Variants in EYA1 observed in about 807,000 individuals in gnomAD.
EYA1 encodes protein phosphatase EYA1.
In EYA1, 16 loss-of-function variants were observed where a neutral mutation model predicts 82.0. The observed-to-expected ratio is 0.20, with a 90% CI of 0.13 to 0.30. The LOEUF (loss-of-function observed/expected upper bound fraction) is 0.30, where lower values mean the gene tolerates loss of function less well. Among genes scored for constraint, EYA1 ranks in the 10% least tolerant of loss-of-function variants. The pLI, the probability that EYA1 is intolerant of heterozygous loss-of-function variation, is 1.00. For synonymous variants in EYA1, 261 were observed against 264.4 expected, an observed-to-expected ratio of 0.99 and a Z score of 0.12; for missense variants, 633 against 730.7, an observed-to-expected ratio of 0.87 and a Z score of 1.54.
At chr8:71,397,309 G>A (rs1829684945) in intron 2 of EYA1, among the ~76,000 whole-genome samples, 1 of 152,142 alleles carries the variant, frequency 6.6e-6, no homozygotes, top group South Asian at 2.1e-4. Flanking sequence ...ATATTGTTAT[G>A]TGTGAACTTG....
intron 1 of EYA1, among the ~76,000 whole-genome samples, chr8:71,538,878 G>A (rs544556604): frequency 2.0e-5 from 3 of 152,206 alleles, no homozygotes; most frequent in African/African-American, 7.2e-5. Context: ...CCATAAGTGT[G>A]GTGGCCATTA....
intron 2 of EYA1, among the ~76,000 whole-genome samples, chr8:71,487,858 G>C (rs764495572): frequency 2.0e-5 from 3 of 152,200 alleles, no homozygotes; most frequent in Non-Finnish European, 4.4e-5. Context: ...GGAAAGCTCA[G>C]ACATTACTAG....
intron 2 of EYA1, among the ~76,000 whole-genome samples, chr8:71,452,611 C>A (rs1049334397): frequency 4.6e-5 from 7 of 152,184 alleles, no homozygotes. Flanking sequence ...TGATGTTCAG[C>A]AATATTCGCT....
At chr8:71,397,653 G>T (rs149320101) in intron 2 of EYA1, among the ~76,000 whole-genome samples, 33,503 of 152,196 alleles carry the variant, frequency 0.22, 4,208 homozygotes, top group Middle Eastern at 0.32. Flanking sequence ...TCTGCTGAGA[G>T]ATCCACTGTT....
rs28516408 is a variant in EYA1, at chr8:71,219,111, C to A, written c.1141-2088G>T. On this transcript the variant is annotated intron_variant, in intron 12 of 17. Transcript: ENST00000340726. ...GCAGTTATCCTCTAACAGCTGTGAA[C>A]GACCCCATTGTTGCTATTGTTCTTC... Among the ~76,000 whole-genome samples, 804 of 152,252 alleles carry A rather than the reference C, an allele frequency of 5.3e-3. 11 individuals are homozygous for A. The highest frequency in any genetic ancestry group is 0.019 in the African/African-American group (769 of 41,532).
At chr8:71,440,164 C>T (rs972288771) in intron 2 of EYA1, among the ~76,000 whole-genome samples, 2 of 152,050 alleles carry the variant, frequency 1.3e-5, no homozygotes, top group African/African-American at 2.4e-5. Flanking sequence ...CAACACAATT[C>T]GGACTGCTCG....
At chr8:71,290,940 T>C (rs976146581) in intron 9 of EYA1, among the ~76,000 whole-genome samples, 1 of 152,190 alleles carries the variant, frequency 6.6e-6, no homozygotes, top group African/African-American at 2.4e-5. Context: ...TGCCGACAAA[T>C]GTTTCCAAAA....
intron 1 of EYA1, among the ~76,000 whole-genome samples, chr8:71,542,592 C>T (rs1353773326): frequency 6.6e-6 from 1 of 152,154 alleles, no homozygotes; most frequent in African/African-American, 2.4e-5. Context: ...AATGGGATTC[C>T]TGGGTCAAAT....
intron 2 of EYA1, among the ~76,000 whole-genome samples, chr8:71,528,272 A>T (rs1246300678): frequency 6.6e-6 from 1 of 152,138 alleles, no homozygotes; most frequent in Non-Finnish European, 1.5e-5. Context: ...AGTGAGCTAC[A>T]CCAGAACACA....
intron 2 of EYA1, among the ~76,000 whole-genome samples, chr8:71,381,528 G>A (rs1324564868): frequency 6.6e-6 from 1 of 152,170 alleles, no homozygotes; most frequent in South Asian, 2.1e-4. Context: ...AATGGCCTAG[G>A]ACAGACCAAA....
intron 7 of EYA1, among the ~76,000 whole-genome samples, chr8:71,306,364 T>C (rs1032497101): frequency 6.6e-6 from 1 of 152,020 alleles, no homozygotes; most frequent in Non-Finnish European, 1.5e-5. Context: ...CATCCTTTAA[T>C]GGCAAAATGC....
At chr8:71,264,579 A>G (rs901672265) in intron 11 of EYA1, among the ~76,000 whole-genome samples, 1 of 142,420 alleles carries the variant, frequency 7.0e-6, no homozygotes, top group South Asian at 2.2e-4. Context: ...GAGCAATTCA[A>G]TTTTTTTTTT....
Position 71,322,312 on chromosome 8 carries a change from C to T in EYA1, c.203-44G>A, listed in dbSNP as rs191412499. On this transcript the variant is annotated intron_variant, in intron 4 of 17. Transcript: ENST00000340726. ...ACAAAATAATGCACAATAATCCAAG[C>T]AAAACACAAAATATATAGAAAGCAC... 2,410 of 1,495,648 alleles carry T rather than the reference C, an allele frequency of 1.6e-3. 7 individuals are homozygous for T. The highest frequency in any genetic ancestry group is 2.2e-3 in the Middle Eastern group (13 of 5,866). The allele number at this position is 1,495,648 out of a possible 1,614,324, so 92.6% of individuals were successfully genotyped here.
chr8:71,350,186 A>T (rs1826164030), intron 3 of EYA1, among the ~76,000 whole-genome samples: 2 of 152,226 alleles, frequency 1.3e-5, no homozygotes, highest in African/African-American at 4.8e-5. Flanking sequence ...ATTTAACCAC[A>T]AATATATAAA....
chr8:71,443,212 T>C (rs1486724905), intron 2 of EYA1, among the ~76,000 whole-genome samples: 2 of 152,178 alleles, frequency 1.3e-5, no homozygotes, highest in African/African-American at 2.4e-5. Flanking sequence ...AGTGGGATGA[T>C]TGGTCAACAG....
chr8:71,357,203 G>A (rs1448664021), intron 1 of EYA1, among the ~76,000 whole-genome samples: 1 of 152,184 alleles, frequency 6.6e-6, no homozygotes, highest in East Asian at 1.9e-4. Context: ...AGTTCTGCCT[G>A]GTAAACCAGA....
At chr8:71,408,371 A>T (rs1363606977) in intron 2 of EYA1, among the ~76,000 whole-genome samples, 1 of 147,792 alleles carries the variant, frequency 6.8e-6, no homozygotes, top group Admixed American at 6.8e-5. Context: ...CACACATAAC[A>T]ATATTAACTT....
At chr8:71,432,365 T>C (rs780899517) in intron 2 of EYA1, among the ~76,000 whole-genome samples, 10 of 152,230 alleles carry the variant, frequency 6.6e-5, no homozygotes, top group African/African-American at 1.4e-4. Flanking sequence ...ATGACTACTA[T>C]ATATCCTTTC....
intron 7 of EYA1, among the ~76,000 whole-genome samples, chr8:71,314,293 T>C (rs539937859): frequency 2.8e-4 from 43 of 152,328 alleles, no homozygotes; most frequent in Non-Finnish European, 5.4e-4. Flanking sequence ...AGAAGCAGTA[T>C]ACATACTGCA....
Sources: gnomAD v4.1 joint callset for allele counts (sites outside exome capture counted in the v4.1 genomes callset) on GRCh38, gnomAD v4.1.1 for gene constraint, MANE v1.5 for transcripts, NCBI Gene and HGNC (gene_info 2026-07-23, HGNC 2026-07-21) for gene names.